COLEC10: variants seen among roughly 807,000 people sequenced by gnomAD.
COLEC10 encodes collectin-10.
In COLEC10, 22 loss-of-function variants were observed where a neutral mutation model predicts 28.4. The observed-to-expected ratio is 0.78, with a 90% CI of 0.55 to 1.11. The LOEUF (loss-of-function observed/expected upper bound fraction) is 1.11, where lower values mean the gene tolerates loss of function less well. Among genes scored for constraint, COLEC10 ranks in the 50% least tolerant of loss-of-function variants. COLEC10 has a pLI of 0.00. For synonymous variants in COLEC10, 125 were observed against 116.1 expected, an observed-to-expected ratio of 1.08 and a Z score of -0.49; for missense variants, 361 against 344.1, an observed-to-expected ratio of 1.05 and a Z score of -0.39.
intron 2 of COLEC10, among the ~76,000 whole-genome samples, chr8:119,017,120 T>C (rs780708517): frequency 2.6e-5 from 4 of 152,162 alleles, no homozygotes; most frequent in Non-Finnish European, 5.9e-5. Context: ...CTTTTTTTCA[T>C]ATGGGAAACT....
At chr8:119,024,116 T>C (rs16891869) in intron 2 of COLEC10, among the ~76,000 whole-genome samples, 6,684 of 152,208 alleles carry the variant, frequency 0.044, 217 homozygotes, top group East Asian at 0.16. Context: ...GTGCCTTAAA[T>C]TTTGTGTTTC....
Position 119,089,753 on chromosome 8 carries a change from T to G in COLEC10, c.220+2T>G. 6.2e-7 allele frequency: 1 copy of G among 1,611,836 alleles called. No individual in the cohort carries two copies. Among genetic ancestry groups the G allele is most frequent in the Non-Finnish European group, 8.5e-7 (1 of 1,178,170 alleles). On this transcript the variant is annotated splice_donor_variant, in intron 2 of 5. Transcript: ENST00000332843. LOFTEE classifies it high-confidence loss of function. ...AAGTGGGACGCATGGGGCCGAAAGG[T>G]AACTAAAATGATGTGAAACTGACAT...
upstream of COLEC10, among the ~76,000 whole-genome samples, chr8:119,065,821 G>A (rs1262886989): frequency 7.0e-6 from 1 of 142,708 alleles, no homozygotes; most frequent in Non-Finnish European, 1.5e-5. Flanking sequence ...TCATGCGACT[G>A]TACTCCAGCC....
intron 1 of COLEC10, among the ~76,000 whole-genome samples, chr8:119,069,194 C>T (rs1000086917): frequency 2.0e-5 from 3 of 152,010 alleles, no homozygotes; most frequent in African/African-American, 7.2e-5. Flanking sequence ...TCCTACACAC[C>T]TAAATGCACC....
At chr8:119,023,007 ACTGG>A (rs559276565) in intron 2 of COLEC10, among the ~76,000 whole-genome samples, 58 of 152,128 alleles carry the variant, frequency 3.8e-4, no homozygotes, top group African/African-American at 1.3e-3. Flanking sequence ...TACTTACTCC[ACTGG>A]AAGCAACTGT....
At chr8:119,049,292 A>C (rs916021666) in intron 2 of COLEC10, among the ~76,000 whole-genome samples, 8 of 151,996 alleles carry the variant, frequency 5.3e-5, no homozygotes, top group South Asian at 2.1e-4. Flanking sequence ...AGAAATTCTC[A>C]AACTCAAACA....
At chr8:119,058,003 TTTATC>T (rs1814792211) in intron 2 of COLEC10, among the ~76,000 whole-genome samples, 1 of 152,046 alleles carries the variant, frequency 6.6e-6, no homozygotes, top group African/African-American at 2.4e-5. Context: ...ATATTTTTCT[TTTATC>T]TGGTTGTTTT....
rs557564882 is a variant in COLEC10, at chr8:119,042,371, A to G, written n.235+32818A>G. 1.1e-4 allele frequency among the ~76,000 whole-genome samples: 17 copies of G among 151,306 alleles called. No individual in the cohort carries two copies. The South Asian group carries it at 3.6e-3, about 32-fold the overall frequency. ...TGTACTTTATAATGTATTATGTTTT[A>G]ATTTTTGTTTCTCTAAGCTTTTATT... On this transcript the variant is annotated intron_variant and non_coding_transcript_variant, in intron 2 of 6. Coordinates refer to the COLEC10 transcript ENST00000521788.
chr8:119,059,235 A>G (rs1296441874), intron 2 of COLEC10, among the ~76,000 whole-genome samples: 2 of 149,414 alleles, frequency 1.3e-5, no homozygotes, highest in African/African-American at 4.9e-5. Context: ...TAATTCATCA[A>G]TCTTTTATGA....
At chr8:119,071,059 C>T (rs1030185697) in intron 1 of COLEC10, among the ~76,000 whole-genome samples, 2 of 152,112 alleles carry the variant, frequency 1.3e-5, no homozygotes, top group African/African-American at 4.8e-5. Context: ...CTAGTTTATA[C>T]TAGTTATATA....
chr8:119,077,430 GC>G (rs1340376450), intron 1 of COLEC10, among the ~76,000 whole-genome samples: 5 of 152,100 alleles, frequency 3.3e-5, no homozygotes, highest in Non-Finnish European at 5.9e-5. Flanking sequence ...ATTCTCAACT[GC>G]CAAGGTGTCC....
At chr8:118,980,615 A>C in the COLEC10 span, among the ~76,000 whole-genome samples, 1 of 152,056 alleles carries the variant, frequency 6.6e-6, no homozygotes, top group African/African-American at 2.4e-5. Flanking sequence ...TTTTTAAATA[A>C]AATTTTGCTT....
chr8:118,986,121 T>A, the COLEC10 span, among the ~76,000 whole-genome samples: 1 of 152,106 alleles, frequency 6.6e-6, no homozygotes, highest in Non-Finnish European at 1.5e-5. Flanking sequence ...TCAATATTAA[T>A]ACAATGAAAA....
upstream of COLEC10, chr8:119,067,232 A>G: frequency 6.3e-7 from 1 of 1,588,240 alleles, no homozygotes; most frequent in Non-Finnish European, 8.6e-7. Context: ...TTTAAAATAA[A>G]GCTGTTTATT....
At chr8:119,047,610 C>A (rs1394678347) in intron 2 of COLEC10, among the ~76,000 whole-genome samples, 1 of 152,128 alleles carries the variant, frequency 6.6e-6, no homozygotes, top group African/African-American at 2.4e-5. Context: ...GTAATCTATT[C>A]ATGTTTGTCT....
In COLEC10 at chr8:119,106,455, G is replaced by A. The variant is rs1232736424; in HGVS notation, c.*264G>A. 1 of 350,286 alleles carries A rather than the reference G, an allele frequency of 2.9e-6. No homozygotes were observed. The highest frequency in any genetic ancestry group is 5.3e-6 in the Non-Finnish European group (1 of 187,288). The allele number at this position is 350,286 out of a possible 1,614,324, so 21.7% of individuals were successfully genotyped here. On this transcript the variant is annotated 3_prime_UTR_variant, in exon 6 of 6. Transcript: ENST00000332843. ...ATTACTAATTGTGCACGAGATAGTT[G>A]GTTGTCTATATGTCAAATGAGTTGT...
At chr8:119,019,829 G>A (rs1814061781) in intron 2 of COLEC10, among the ~76,000 whole-genome samples, 1 of 152,128 alleles carries the variant, frequency 6.6e-6, no homozygotes, top group Non-Finnish European at 1.5e-5. Flanking sequence ...TTGTTCACTT[G>A]AAGGCCTATA....
chr8:118,983,222 A>G, the COLEC10 span, among the ~76,000 whole-genome samples: 1 of 152,136 alleles, frequency 6.6e-6, no homozygotes, highest in Admixed American at 6.6e-5. Flanking sequence ...AGTTATTTCA[A>G]TCCACTCTTG....
At chr8:118,994,105 T>C (rs1203860449), upstream of COLEC10, among the ~76,000 whole-genome samples, 3 of 152,342 alleles carry the variant, frequency 2.0e-5, no homozygotes, top group East Asian at 5.8e-4. Context: ...GATTAAGGTC[T>C]GAATACAATA....
Sources: gnomAD v4.1 joint callset for allele counts (sites outside exome capture counted in the v4.1 genomes callset) on GRCh38, gnomAD v4.1.1 for gene constraint, MANE v1.5 for transcripts, NCBI Gene and HGNC (gene_info 2026-07-23, HGNC 2026-07-21) for gene names.